The following PAIP2B variants were observed in gnomAD, a reference collection of about 807,000 sequenced individuals.
PAIP2B encodes the protein poly(A) binding protein interacting protein 2B.
In PAIP2B, 13 loss-of-function variants were observed where a neutral mutation model predicts 17.0. That is an observed-to-expected ratio of 0.76 (90% confidence interval 0.50 to 1.22). The LOEUF (loss-of-function observed/expected upper bound fraction) is 1.22. PAIP2B is among the 50% of genes most tolerant of loss of function. PAIP2B has a pLI of 0.00. For missense variants in PAIP2B, 117 were observed against 144.5 expected, an observed-to-expected ratio of 0.81 and a Z score of 0.98; for synonymous variants, 43 against 48.7, an observed-to-expected ratio of 0.88 and a Z score of 0.48.
At chr2:71,190,491 G>A (rs1375886964) in intron 2 of PAIP2B, among the ~76,000 whole-genome samples, 18 of 152,082 alleles carry the variant, frequency 1.2e-4, no homozygotes, top group Admixed American at 1.2e-3. Context: ...GGGATCTAAG[G>A]ATTCAATGCG....
intron 1 of PAIP2B, among the ~76,000 whole-genome samples, chr2:71,226,663 CAG>C (rs946869746): frequency 6.6e-6 from 1 of 151,992 alleles, no homozygotes. Flanking sequence ...CGGGGGGAAA[CAG>C]AGCACCTGTG....
rs529661830 is a variant in PAIP2B at position 71,189,366 on chromosome 2, C to G, written c.315+479G>C. ...TATGAAAGGCAGGAAATTAATTTATCTGGTTTTCTAATTCTAAGTGGAGAA... is the reference window on the plus strand; with the variant it reads ...TATGAAAGGCAGGAAATTAATTTATGTGGTTTTCTAATTCTAAGTGGAGAA... On this transcript the variant is annotated intron_variant, in intron 3 of 3. Transcript: ENST00000244221. 1.1e-4 allele frequency among the ~76,000 whole-genome samples: 16 copies of G among 152,300 alleles called. 1 individual carries two copies. In the South Asian group the frequency reaches 3.3e-3, roughly 32 times the overall value.
intron 3 of PAIP2B, among the ~76,000 whole-genome samples, chr2:71,189,595 G>A (rs1674631110): frequency 1.3e-5 from 2 of 152,188 alleles, no homozygotes; most frequent in Admixed American, 6.5e-5. Context: ...GAAAGTAAAG[G>A]TTGGTGGCGT....
rs999176583 is a variant in PAIP2B, at chr2:71,190,622, A to G, written c.139-601T>C. Reference sequence around the variant, plus strand: ...AATTCAAGGTCTCCGCAGATGTTCTACGATCTCTAATAGGTGATACAGATA... The same window carrying G: ...AATTCAAGGTCTCCGCAGATGTTCTGCGATCTCTAATAGGTGATACAGATA... On this transcript the variant is annotated intron_variant, in intron 2 of 3. Coordinates refer to ENST00000244221, the MANE Select transcript of PAIP2B (RefSeq NM_020459.1). 3.9e-5 allele frequency among the ~76,000 whole-genome samples: 6 copies of G among 152,322 alleles called. No homozygotes were observed. The East Asian group carries it at 1.2e-3, about 29-fold the overall frequency.
intron 1 of PAIP2B, among the ~76,000 whole-genome samples, chr2:71,212,608 A>G (rs1413198173): frequency 1.3e-5 from 2 of 152,190 alleles, no homozygotes; most frequent in Admixed American, 1.3e-4. Flanking sequence ...GTTACTCAAG[A>G]GGGATTAAAA....
intron 3 of PAIP2B, among the ~76,000 whole-genome samples, chr2:71,189,091 C>CGCCTCCCTCT (rs1251768888): frequency 3.3e-5 from 5 of 151,200 alleles, no homozygotes; most frequent in African/African-American, 1.2e-4. Flanking sequence ...CTGCAAACTC[C>CGCCTCCCTCT]GCCTCCCTCT....
rs1184852522 is a variant in PAIP2B at position 71,192,076 on chromosome 2, T to C, written c.139-2055A>G. Among the ~76,000 whole-genome samples, 4 of 152,270 alleles carry C rather than the reference T, an allele frequency of 2.6e-5. No homozygotes were observed. In the East Asian group the frequency reaches 5.8e-4, roughly 22 times the overall value. ...ACACAGGGCATTAGACCAAAACAACTTCCTTTCATAAAATAAATTTCCTCA... is the reference window on the plus strand; with the variant it reads ...ACACAGGGCATTAGACCAAAACAACCTCCTTTCATAAAATAAATTTCCTCA... On this transcript the variant is annotated intron_variant, in intron 2 of 3. Coordinates refer to ENST00000244221, the MANE Select transcript of PAIP2B (RefSeq NM_020459.1).
intron 1 of PAIP2B, among the ~76,000 whole-genome samples, chr2:71,204,033 C>T (rs1246035472): frequency 6.6e-6 from 1 of 152,132 alleles, no homozygotes; most frequent in Non-Finnish European, 1.5e-5. Context: ...TCACTGCTTC[C>T]CTTCTGTACT....
intron 2 of PAIP2B, among the ~76,000 whole-genome samples, chr2:71,201,459 G>A (rs966457898): frequency 6.6e-6 from 1 of 150,594 alleles, no homozygotes; most frequent in African/African-American, 2.4e-5. Context: ...TTGGCTCACT[G>A]CAACCTCCAC....
intron 2 of PAIP2B, among the ~76,000 whole-genome samples, chr2:71,194,453 C>G (rs1674763975): frequency 8.5e-6 from 1 of 117,446 alleles, no homozygotes; most frequent in Middle Eastern, 4.4e-3. Context: ...TAGCTGTATT[C>G]CTAGGTTGTG....
At position 71,188,529 on chromosome 2, in the gene PAIP2B, T is replaced by A. The variant is rs768717492; in HGVS notation, c.322A>T (p.Ser108Cys). 14 of 1,607,630 alleles carry A rather than the reference T, an allele frequency of 8.7e-6. No homozygotes were observed. Among genetic ancestry groups the A allele is most frequent in the Admixed American group, 3.4e-5 (2 of 59,148 alleles). ...TCCTTGGCATCTGGGTTCAGGTTAC[T>A]TTTGCTCTGAAATAAGAACCAAGAG... ...GHDSEDILSK[S>C]NLNPDAKEFI... The change falls in exon 4 of 4, where the codon AGT becomes TGT. Residue 108 changes from serine (S) to cysteine (C), a missense_variant. Ser to Cys is a moderately radical substitution (Grantham distance 112). Transcript: ENST00000244221.
At chr2:71,206,281 A>G (rs1461006544) in intron 1 of PAIP2B, among the ~76,000 whole-genome samples, 1 of 152,230 alleles carries the variant, frequency 6.6e-6, no homozygotes, top group Non-Finnish European at 1.5e-5. Flanking sequence ...TCAACAGTAG[A>G]TAAAGGAGTT....
chr2:71,190,031 A>AT lies in PAIP2B; in HGVS notation c.139-11_139-10insA. 1 of 1,606,582 alleles carries AT rather than the reference A, an allele frequency of 6.2e-7. No individual in the cohort carries two copies. Among genetic ancestry groups the AT allele is most frequent in the Admixed American group, 1.7e-5 (1 of 59,316 alleles). Reference sequence around the variant, plus strand: ...GCAGTTCCTCCTCCACCTAGCAAGCAAAGGGGAGCAGCTCAGACTTACTGT... The same window carrying AT: ...GCAGTTCCTCCTCCACCTAGCAAGCATAAGGGGAGCAGCTCAGACTTACTGT... On this transcript the variant is annotated splice_polypyrimidine_tract_variant and intron_variant, in intron 2 of 3. Coordinates refer to ENST00000244221, the MANE Select transcript of PAIP2B (RefSeq NM_020459.1).
At chr2:71,204,387 A>C (rs1675069076) in intron 1 of PAIP2B, among the ~76,000 whole-genome samples, 1 of 152,068 alleles carries the variant, frequency 6.6e-6, no homozygotes, top group African/African-American at 2.4e-5. Flanking sequence ...ATTCTTTCTT[A>C]GTTCTCTTTA....
At chr2:71,219,719 G>A (rs1008751016) in intron 1 of PAIP2B, among the ~76,000 whole-genome samples, 10 of 149,120 alleles carry the variant, frequency 6.7e-5, no homozygotes, top group South Asian at 4.2e-4. Flanking sequence ...GGTAATGTGC[G>A]CAAATACATA....
chr2:71,202,431 CT>C lies in PAIP2B; in HGVS notation c.138+20del. 6.2e-7 allele frequency: 1 copy of C among 1,608,692 alleles called. No homozygotes were observed. The highest frequency in any genetic ancestry group is 1.1e-5 in the South Asian group (1 of 89,726). ...AGTTACATGTATCATCAATCTTCCA[CT>C]TTTCCAGTTCTTTCTTTACCTGTCT... is the stretch of plus-strand genomic sequence containing the variant. On this transcript the variant is annotated intron_variant, in intron 2 of 3. Coordinates refer to ENST00000244221, the MANE Select transcript of PAIP2B (RefSeq NM_020459.1).
chr2:71,195,755 A>G (rs1674802022), intron 2 of PAIP2B, among the ~76,000 whole-genome samples: 1 of 152,142 alleles, frequency 6.6e-6, no homozygotes, highest in African/African-American at 2.4e-5. Context: ...CTCCTGCCTC[A>G]GCCTCCCATG....
At chr2:71,216,641 T>A (rs1158340165) in intron 1 of PAIP2B, among the ~76,000 whole-genome samples, 2 of 152,192 alleles carry the variant, frequency 1.3e-5, no homozygotes, top group African/African-American at 2.4e-5. Context: ...TTGTTATAAA[T>A]GCGAATTCTC....
intron 2 of PAIP2B, among the ~76,000 whole-genome samples, chr2:71,197,422 C>G (rs1674849913): frequency 6.6e-6 from 1 of 152,040 alleles, no homozygotes; most frequent in Admixed American, 6.6e-5. Context: ...GGTGACCTAC[C>G]CTTTCTCTCT....
Sources: gnomAD v4.1 joint callset for allele counts (sites outside exome capture counted in the v4.1 genomes callset) on GRCh38, gnomAD v4.1.1 for gene constraint, MANE v1.5 for transcripts, NCBI Gene and HGNC (gene_info 2026-07-23, HGNC 2026-07-21) for gene names.